The following VIRMA variants were observed in gnomAD, a reference collection of about 807,000 sequenced individuals.
The protein encoded by VIRMA is vir like m6A methyltransferase associated.
A neutral mutation model predicts 182.4 loss-of-function variants in VIRMA; 65 were observed. The ratio of observed to expected loss-of-function variants is 0.36; its 90% CI spans 0.29 to 0.44. The LOEUF (loss-of-function observed/expected upper bound fraction) is 0.44. Ranked by LOEUF, VIRMA falls within the 20% of genes least tolerant of loss-of-function variation. VIRMA has a pLI of 1.00. For missense variants in VIRMA, 1,752 were observed against 2,158.1 expected, an observed-to-expected ratio of 0.81 and a Z score of 3.73; for synonymous variants, 709 against 743.1, an observed-to-expected ratio of 0.95 and a Z score of 0.75.
At position 94,543,951 on chromosome 8, in the gene VIRMA, A is replaced by G; in HGVS notation, c.64-9T>C. The stretch of plus-strand genomic sequence containing the variant: ...TCTATATGAGAACTTTGCTGTAACA[A>G]AAAAAAAGCCGGAGGGGGAGGGGTT... On this transcript the variant is annotated splice_polypyrimidine_tract_variant and intron_variant, in intron 1 of 23. Transcript: ENST00000297591. 2 of 1,502,568 alleles carry G rather than the reference A, an allele frequency of 1.3e-6. No individual in the cohort carries two copies. Among genetic ancestry groups the G allele is most frequent in the South Asian group, 1.2e-5 (1 of 84,886 alleles). The allele number at this position is 1,502,568 out of a possible 1,614,324, so 93.1% of individuals were successfully genotyped here.
At chr8:94,520,014 C>T in intron 8 of VIRMA, among the ~76,000 whole-genome samples, 1 of 151,934 alleles carries the variant, frequency 6.6e-6, no homozygotes. Flanking sequence ...AGCTCAAGAC[C>T]AGCCTGGGCA....
At chr8:94,498,620 G>A (rs1327065863) in intron 17 of VIRMA, 1 of 152,200 alleles carries the variant, frequency 6.6e-6, no homozygotes, top group Non-Finnish European at 1.5e-5. Context: ...GACTACTGGT[G>A]GGCACACCAC....
chr8:94,510,315 G>T, intron 14 of VIRMA, 102 bp downstream of exon 14: 1 of 793,170 alleles, frequency 1.3e-6, no homozygotes, highest in Non-Finnish European at 2.1e-6. Flanking sequence ...ATGTATATAT[G>T]TTATCTGGGC....
rs148080854 is a variant in VIRMA at position 94,537,943 on chromosome 8, T to C, written c.266+317A>G. Among the ~76,000 whole-genome samples, 446 of 152,354 alleles carry C rather than the reference T, an allele frequency of 2.9e-3. 2 individuals are homozygous for C. The highest frequency in any genetic ancestry group is 5.1e-3 in the Non-Finnish European group (347 of 68,016). ...ATAAAATATTAGCTCTCAATGTGTC[T>C]ATATAATTTAAGAATCAAAGATATT... On this transcript the variant is annotated intron_variant, in intron 3 of 23. Coordinates refer to ENST00000297591, the MANE Select transcript of VIRMA (RefSeq NM_015496.5).
intron 1 of VIRMA, among the ~76,000 whole-genome samples, chr8:94,551,427 G>A (rs1287148240): frequency 6.6e-6 from 1 of 152,130 alleles, no homozygotes; most frequent in Non-Finnish European, 1.5e-5. Flanking sequence ...ACAATTTTGT[G>A]AATCTAATCT....
At chr8:94,533,254 A>G (rs1184811397) in intron 5 of VIRMA, among the ~76,000 whole-genome samples, 1 of 152,100 alleles carries the variant, frequency 6.6e-6, no homozygotes, top group Non-Finnish European at 1.5e-5. Context: ...AGATATAAGA[A>G]AAGTACAGTG....
Position 94,491,606 on chromosome 8 carries a change from A to G in VIRMA, c.5112T>C (p.Asn1704=), listed in dbSNP as rs1167162989. ...TTGAAGCAGGTGGTGTGAAAAACCT[A>G]TTCTGACTGTGGAAAGCACCCCGTC... ...RGGRGAFHSQ[N]RFFTPPASKG... The change falls in exon 22 of 24, where the codon AAT becomes AAC. Residue 1704 remains asparagine (N), a synonymous_variant. Coordinates refer to ENST00000297591, the MANE Select transcript of VIRMA (RefSeq NM_015496.5). The G allele has an allele frequency of 6.2e-7, 1 of 1,613,920 alleles. No individual in the cohort carries two copies. The highest frequency in any genetic ancestry group is 1.7e-5 in the Admixed American group (1 of 60,024).
In VIRMA at chr8:94,538,179, T is replaced by C. The variant is rs545709349; in HGVS notation, c.266+81A>G. The C allele has an allele frequency of 5.0e-5, 46 of 921,500 alleles. 1 individual carries two copies. The South Asian group carries it at 5.4e-4, about 11-fold the overall frequency. 57.1% of individuals were successfully genotyped at this position (921,500 alleles called of 1,614,324 possible). ...TGGGTCTACCAGCAGATACATCCTT[T>C]TCTTCTATCTAAAGAATCAATCAAA... On this transcript the variant is annotated intron_variant, in intron 3 of 23. Transcript: ENST00000297591.
chr8:94,524,597 A>T (rs1197159551), intron 8 of VIRMA, among the ~76,000 whole-genome samples: 1 of 151,704 alleles, frequency 6.6e-6, no homozygotes, highest in African/African-American at 2.4e-5. Flanking sequence ...GAGCCACCAC[A>T]CCCGGCTCTA....
chr8:94,526,984 C>G lies in VIRMA; in HGVS notation c.1260G>C (p.Leu420Phe), dbSNP rs1814994155. 6.2e-7 allele frequency: 1 copy of G among 1,614,094 alleles called. No homozygotes were observed. Among genetic ancestry groups the G allele is most frequent in the Admixed American group, 1.7e-5 (1 of 60,002 alleles). The change falls in exon 8 of 24, where the codon TTG becomes TTC. Residue 420 changes from leucine to phenylalanine, a missense_variant. This residue lies in a region of VIRMA where 401 missense variants were observed against 455.1 expected (regional missense o/e 0.88). Coordinates refer to ENST00000297591, the MANE Select transcript of VIRMA (RefSeq NM_015496.5). The part of the protein sequence containing the change: ...LIIKGLSYLQ[L>F]KNTKQDSLGQ... ...CAAGGGAGTCTTGTTTTGTGTTTTT[C>G]AATTGCAAATAGCTTAACCCTTTTA...
chr8:94,518,761 G>T (rs1425257160), intron 9 of VIRMA, among the ~76,000 whole-genome samples: 1 of 152,108 alleles, frequency 6.6e-6, no homozygotes, highest in Non-Finnish European at 1.5e-5. Flanking sequence ...TTAACACCAT[G>T]GGTTAACTGA....
intron 4 of VIRMA, among the ~76,000 whole-genome samples, chr8:94,535,781 CAAA>C (rs56126709): frequency 3.4e-5 from 3 of 87,764 alleles, no homozygotes; most frequent in Non-Finnish European, 2.4e-5. Flanking sequence ...GACTTGGTCT[CAAA>C]AAAAAAAAAA....
chr8:94,529,800 C>A (rs535462031), intron 6 of VIRMA, among the ~76,000 whole-genome samples: 1 of 152,036 alleles, frequency 6.6e-6, no homozygotes, highest in African/African-American at 2.4e-5. Context: ...ACACCACACC[C>A]GGCTAATTTT....
Position 94,524,496 on chromosome 8 carries a change from G to C in VIRMA, c.2021+1727C>G, listed in dbSNP as rs144697865. On this transcript the variant is annotated intron_variant, in intron 8 of 23. Coordinates refer to ENST00000297591, the MANE Select transcript of VIRMA (RefSeq NM_015496.5). ...ATTTTTGTATTTTTAGTAGAGACAGGGTTTCGTCATGTTGGTCAGGCTGGT... is the reference window on the plus strand; with the variant it reads ...ATTTTTGTATTTTTAGTAGAGACAGCGTTTCGTCATGTTGGTCAGGCTGGT... 4.3e-3 allele frequency among the ~76,000 whole-genome samples: 650 copies of C among 151,950 alleles called. 4 individuals carry two copies. Among genetic ancestry groups the C allele is most frequent in the African/African-American group, 0.015 (602 of 41,424 alleles).
intron 1 of VIRMA, among the ~76,000 whole-genome samples, chr8:94,552,567 GT>G (rs968245803): frequency 9.6e-5 from 14 of 145,804 alleles, no homozygotes; most frequent in South Asian, 2.2e-4. Flanking sequence ...TGTGAAGTTC[GT>G]TTTTTTTTTT....
intron 16 of VIRMA, among the ~76,000 whole-genome samples, chr8:94,504,245 C>T (rs7815035): frequency 0.029 from 4,376 of 151,972 alleles, 216 homozygotes; most frequent in African/African-American, 0.099. Context: ...GACAATGGCC[C>T]GTATCATAAG....
At chr8:94,507,929 G>A (rs11992717) in intron 15 of VIRMA, among the ~76,000 whole-genome samples, 44,441 of 147,356 alleles carry the variant, frequency 0.3, 6,835 homozygotes, top group South Asian at 0.46. Context: ...ATATATGTAT[G>A]TACATATGTG....
At position 94,548,242 on chromosome 8, in the gene VIRMA, C is replaced by T. The variant is rs572116975; in HGVS notation, c.64-4300G>A. Among the ~76,000 whole-genome samples, 7 of 150,412 alleles carry T rather than the reference C, an allele frequency of 4.7e-5. No homozygotes were observed. The South Asian group carries it at 1.5e-3, about 31-fold the overall frequency. ...AAAAAAGAAAATTTAAAAAAATAAG[C>T]TTACTTTTGAAATATTATATAGGTG... is the stretch of plus-strand genomic sequence containing the variant. On this transcript the variant is annotated intron_variant, in intron 1 of 23. Coordinates refer to ENST00000297591, the MANE Select transcript of VIRMA (RefSeq NM_015496.5).
chr8:94,500,912 C>A (rs185177169), intron 16 of VIRMA, among the ~76,000 whole-genome samples: 1 of 151,902 alleles, frequency 6.6e-6, no homozygotes, highest in African/African-American at 2.4e-5. Context: ...TAGAACTGTA[C>A]ACCATAAAAC....
Sources: gnomAD v4.1 joint callset for allele counts (sites outside exome capture counted in the v4.1 genomes callset) on GRCh38, gnomAD v4.1.1 for gene constraint, gnomAD v4.1.1 regional missense constraint, MANE v1.5 for transcripts, NCBI Gene and HGNC (gene_info 2026-07-23, HGNC 2026-07-21) for gene names.